SAMD5: variants seen among roughly 807,000 people sequenced by gnomAD.
SAMD5 encodes the protein sterile alpha motif domain-containing protein 5.
A neutral mutation model predicts 11.3 loss-of-function variants in SAMD5; 13 were observed. That is an observed-to-expected ratio of 1.15 (90% confidence interval 0.75 to 1.83). SAMD5 has a LOEUF of 1.83. Ranked by LOEUF, SAMD5 falls within the 40% of genes most tolerant of loss-of-function variation. The pLI is 0.00. For synonymous variants in SAMD5, 129 were observed against 111.3 expected, an observed-to-expected ratio of 1.16 and a Z score of -1.00; for missense variants, 255 against 239.1, an observed-to-expected ratio of 1.07 and a Z score of -0.44.
the SAMD5 span, among the ~76,000 whole-genome samples, chr6:147,867,286 T>G: frequency 6.6e-6 from 1 of 151,440 alleles, no homozygotes; most frequent in African/African-American, 2.4e-5. Flanking sequence ...AAGGTTTTTT[T>G]TTTTTTTTTT....
intron 1 of SAMD5, among the ~76,000 whole-genome samples, chr6:147,579,017 T>G (rs1397808749): frequency 6.6e-6 from 1 of 152,240 alleles, no homozygotes; most frequent in East Asian, 1.9e-4. Context: ...ATTTACATAT[T>G]TGACAAATAT....
the SAMD5 span, chr6:147,953,220 A>G: frequency 6.6e-6 from 1 of 152,176 alleles, no homozygotes; most frequent in African/African-American, 2.4e-5. Flanking sequence ...AAATCCGTGT[A>G]AAACAGGAGA....
chr6:147,801,453 A>T, the SAMD5 span, among the ~76,000 whole-genome samples: 1 of 152,164 alleles, frequency 6.6e-6, no homozygotes, highest in African/African-American at 2.4e-5. Flanking sequence ...AGGTAAACAC[A>T]GGAACCAACT....
intron 1 of SAMD5, among the ~76,000 whole-genome samples, chr6:147,557,866 C>G (rs1562320069): frequency 6.6e-6 from 1 of 152,176 alleles, no homozygotes; most frequent in Non-Finnish European, 1.5e-5. Flanking sequence ...CAGTTTGACC[C>G]TGGTAGGTTG....
chr6:147,934,397 C>A, the SAMD5 span, among the ~76,000 whole-genome samples: 60 of 152,332 alleles, frequency 3.9e-4, 1 homozygote, highest in East Asian at 0.011. Flanking sequence ...GTTCCAAGGT[C>A]TCTCTTGAGA....
At chr6:147,563,014 G>A (rs1788978733) in intron 1 of SAMD5, among the ~76,000 whole-genome samples, 2 of 152,112 alleles carry the variant, frequency 1.3e-5, no homozygotes, top group African/African-American at 4.8e-5. Context: ...AGAGGTATTG[G>A]GTTGCATATG....
chr6:147,521,364 AG>A (rs1437658460), intron 1 of SAMD5, among the ~76,000 whole-genome samples: 1 of 152,080 alleles, frequency 6.6e-6, no homozygotes, highest in Non-Finnish European at 1.5e-5. Flanking sequence ...TATTTCATGT[AG>A]ATTGCACATA....
At position 147,634,435 on chromosome 6, in the gene SAMD5, C is replaced by T. The variant is rs144516243; in HGVS notation, c.163-102882C>T. Among the ~76,000 whole-genome samples, 103 of 152,314 alleles carry T rather than the reference C, an allele frequency of 6.8e-4. 1 individual carries two copies. Among genetic ancestry groups the T allele is most frequent in the African/African-American group, 2.3e-3 (94 of 41,568 alleles). On this transcript the variant is annotated intron_variant, in intron 1 of 1. Coordinates refer to the SAMD5 transcript ENST00000566741. ...ATATCTGACCCCATGATCCAATTAT[C>T]TCCCATCAGGCCCCTCCTCCCTCCT... is the stretch of plus-strand genomic sequence containing the variant.
chr6:147,714,793 C>T (rs1206076330), intron 1 of SAMD5, among the ~76,000 whole-genome samples: 2 of 152,124 alleles, frequency 1.3e-5, no homozygotes, highest in Non-Finnish European at 2.9e-5. Context: ...GCCAAAAAAA[C>T]GAATGACTTA....
chr6:147,621,330 A>T (rs1789962211), intron 1 of SAMD5, among the ~76,000 whole-genome samples: 1 of 152,200 alleles, frequency 6.6e-6, no homozygotes, highest in South Asian at 2.1e-4. Context: ...TTTTGGAAAG[A>T]TAGTCAATGG....
Position 147,565,690 on chromosome 6 carries a change from C to A in SAMD5, c.*1234C>A. The stretch of plus-strand genomic sequence containing the variant: ...GGCCAGGCTGTTCTTGAACTCCTGG[C>A]CTCAAATGATCCACTCGCCGTGGCC... On this transcript the variant is annotated 3_prime_UTR_variant, in exon 2 of 2. Coordinates refer to ENST00000367474, the MANE Select transcript of SAMD5 (RefSeq NM_001030060.3). 2 of 803,832 alleles carry A rather than the reference C, an allele frequency of 2.5e-6. No individual in the cohort carries two copies. The highest frequency in any genetic ancestry group is 3.0e-6 in the Non-Finnish European group (2 of 664,676). 49.8% of individuals were successfully genotyped at this position (803,832 alleles called of 1,614,324 possible).
chr6:147,522,710 GGTT>G (rs1788273113), intron 1 of SAMD5, among the ~76,000 whole-genome samples: 1 of 152,114 alleles, frequency 6.6e-6, no homozygotes, highest in Non-Finnish European at 1.5e-5. Flanking sequence ...TCACTTCAAT[GGTT>G]GTTGTCATGA....
At chr6:147,872,095 T>TTAGTGTAGTGGTAG in the SAMD5 span, among the ~76,000 whole-genome samples, 1 of 152,276 alleles carries the variant, frequency 6.6e-6, no homozygotes, top group African/African-American at 2.4e-5. Flanking sequence ...TATATTAGTA[T>TTAGTGTAGTGGTAG]TAGTATTAGT....
intron 1 of SAMD5, among the ~76,000 whole-genome samples, chr6:147,516,263 C>T (rs1398866035): frequency 6.6e-6 from 1 of 152,132 alleles, no homozygotes; most frequent in Non-Finnish European, 1.5e-5. Context: ...TGCCCATCTC[C>T]CCGACTAAGA....
At chr6:147,706,141 T>G (rs1791322116) in intron 1 of SAMD5, among the ~76,000 whole-genome samples, 1 of 152,202 alleles carries the variant, frequency 6.6e-6, no homozygotes, top group Non-Finnish European at 1.5e-5. Context: ...TGACAAGTTT[T>G]GCATTATAAG....
chr6:147,510,708 A>C (rs1266430405), intron 1 of SAMD5, among the ~76,000 whole-genome samples: 1 of 152,214 alleles, frequency 6.6e-6, no homozygotes, highest in Admixed American at 6.5e-5. Flanking sequence ...ACTACCTTGC[A>C]CGTACCATAG....
the SAMD5 span, among the ~76,000 whole-genome samples, chr6:147,901,811 C>T: frequency 6.6e-6 from 1 of 152,180 alleles, no homozygotes; most frequent in Non-Finnish European, 1.5e-5. Context: ...AGCAACCCTT[C>T]ATACCCATGT....
chr6:147,514,850 A>C (rs1248520109), intron 1 of SAMD5, among the ~76,000 whole-genome samples: 1 of 152,182 alleles, frequency 6.6e-6, no homozygotes, highest in Non-Finnish European at 1.5e-5. Flanking sequence ...CAAGAATCTC[A>C]TGCTAATAAG....
the SAMD5 span, among the ~76,000 whole-genome samples, chr6:147,742,678 G>A: frequency 5.3e-5 from 8 of 152,272 alleles, no homozygotes; most frequent in African/African-American, 1.4e-4. Context: ...AAGAACTAAC[G>A]AAGTTGGACA....
Sources: allele counts gnomAD v4.1 joint callset (sites outside exome capture counted in the v4.1 genomes callset), GRCh38; gene constraint gnomAD v4.1.1; transcripts MANE v1.5; gene names NCBI Gene and HGNC (gene_info 2026-07-23, HGNC 2026-07-21).